Variants in C19orf18 observed in about 807,000 individuals in gnomAD.
C19orf18 encodes the protein chromosome 19 open reading frame 18.
Under a neutral mutation model 23.3 loss-of-function variants are expected in C19orf18, and 21 were observed. That is an observed-to-expected ratio of 0.90 (90% CI 0.64 to 1.30). The LOEUF (loss-of-function observed/expected upper bound fraction) is 1.30. Ranked by LOEUF, C19orf18 falls within the 50% of genes most tolerant of loss-of-function variation. The pLI is 0.00. For synonymous variants in C19orf18, 96 were observed against 95.2 expected (o/e 1.01, Z -0.05); for missense variants, 249 against 259.6 (o/e 0.96, Z 0.28).
At chr19:57,969,114 T>C (rs2072926740) in intron 3 of C19orf18, among the ~76,000 whole-genome samples, 1 of 152,142 alleles carries the variant, frequency 6.6e-6, no homozygotes, top group South Asian at 2.1e-4. Flanking sequence ...AGGTTACTGG[T>C]GTACCCGTGT....
At chr19:57,971,112 T>C (rs184175085) in intron 3 of C19orf18, among the ~76,000 whole-genome samples, 1 of 152,254 alleles carries the variant, frequency 6.6e-6, no homozygotes, top group East Asian at 1.9e-4. Flanking sequence ...ATTGATAATG[T>C]GTTTGGCGTG....
intron 3 of C19orf18, among the ~76,000 whole-genome samples, chr19:57,969,620 A>C (rs943892979): frequency 7.3e-6 from 1 of 137,542 alleles, no homozygotes; most frequent in African/African-American, 2.7e-5. Context: ...CAAAGTAAGC[A>C]CCTTGGCCAG....
At chr19:57,969,804 G>A (rs2072933455) in intron 3 of C19orf18, among the ~76,000 whole-genome samples, 1 of 150,548 alleles carries the variant, frequency 6.6e-6, no homozygotes, top group South Asian at 2.1e-4. Flanking sequence ...TACTCAGGAG[G>A]CTGAGGCAGG....
At chr19:57,967,823 C>T (rs1046516663) in intron 3 of C19orf18, among the ~76,000 whole-genome samples, 6 of 147,620 alleles carry the variant, frequency 4.1e-5, no homozygotes, top group African/African-American at 1.5e-4. Flanking sequence ...GCCTGACCAA[C>T]ACGGCGAAAC....
intron 4 of C19orf18, among the ~76,000 whole-genome samples, chr19:57,961,882 TTTTC>T (rs745822194): frequency 2.1e-4 from 31 of 150,236 alleles, no homozygotes; most frequent in South Asian, 4.2e-4. Context: ...TCTCTTCTCT[TTTTC>T]TTTCTCTTTT....
chr19:57,971,140 C>T (rs1031521694), intron 3 of C19orf18, among the ~76,000 whole-genome samples: 1 of 152,096 alleles, frequency 6.6e-6, no homozygotes, highest in Non-Finnish European at 1.5e-5. Flanking sequence ...GTATTCATCA[C>T]GTTTTTTATT....
chr19:57,973,100 T>TTGCGCCACTGCACTCCAGCTGGGTGA (rs2072956946), intron 2 of C19orf18, among the ~76,000 whole-genome samples: 1 of 123,806 alleles, frequency 8.1e-6, no homozygotes, highest in Non-Finnish European at 1.6e-5. Context: ...TGAGCCGAGA[T>TTGCGCCACTGCACTCCAGCTGGGTGA]TGCGCCACTG....
intron 4 of C19orf18, among the ~76,000 whole-genome samples, chr19:57,966,228 C>T (rs770733809): frequency 1.9e-4 from 29 of 152,190 alleles, no homozygotes; most frequent in Admixed American, 7.2e-4. Flanking sequence ...CCACCCGCCT[C>T]GGCCTTCCAA....
At chr19:57,970,345 T>C (rs565840910) in intron 3 of C19orf18, among the ~76,000 whole-genome samples, 1 of 152,330 alleles carries the variant, frequency 6.6e-6, no homozygotes, top group Non-Finnish European at 1.5e-5. Flanking sequence ...TCGTCTCATA[T>C]GGAAAATGTT....
intron 3 of C19orf18, among the ~76,000 whole-genome samples, chr19:57,966,847 C>T (rs257672): frequency 0.55 from 83,998 of 151,602 alleles, 23,681 homozygotes; most frequent in African/African-American, 0.65. Context: ...CACAGCTCAC[C>T]GCAACTTTCG....
intron 3 of C19orf18, among the ~76,000 whole-genome samples, chr19:57,967,065 C>G (rs1011766380): frequency 6.7e-6 from 1 of 148,986 alleles, no homozygotes; most frequent in African/African-American, 2.5e-5. Flanking sequence ...GCCTGGGCAA[C>G]AGTGTGAAAC....
chr19:57,966,276 G>A (rs921379948), intron 4 of C19orf18, among the ~76,000 whole-genome samples: 28 of 152,002 alleles, frequency 1.8e-4, no homozygotes, highest in East Asian at 7.7e-4. Flanking sequence ...CATGCCCGGC[G>A]TAATATTTTC....
Position 57,974,323 on chromosome 19 carries a change from G to A in C19orf18, c.110C>T (p.Thr37Ile), listed in dbSNP as rs1423778629. The A allele has an allele frequency of 2.5e-6, 4 of 1,614,128 alleles. No individual in the cohort carries two copies. The highest frequency in any genetic ancestry group is 1.7e-5 in the Admixed American group (1 of 60,028). ...ADGLHPTGNI[T>I]GLPGSKRSQP... ...GTGGTTGAAGCTACCTGGTAAGCCT[G>A]TTATGTTTCCAGTGGGATGGAGTCC... The change falls in exon 1 of 6, where the codon ACA becomes ATA. Residue 37 changes from threonine (T) to isoleucine (I), a missense_variant. Coordinates refer to ENST00000314391, the MANE Select transcript of C19orf18 (RefSeq NM_152474.5).
In C19orf18 at chr19:57,958,551, G is replaced by T; in HGVS notation, c.*51C>A. ...CCACGCCCACAGGCTCAGTCTCCCA[G>T]CACCCCCATAGTTTCTCCTCTGCCT... On this transcript the variant is annotated 3_prime_UTR_variant, in exon 6 of 6. Transcript: ENST00000314391. The T allele has an allele frequency of 1.6e-6, 2 of 1,251,246 alleles. No homozygotes were observed. Among genetic ancestry groups the T allele is most frequent in the Non-Finnish European group, 2.3e-6 (2 of 885,588 alleles). The allele number at this position is 1,251,246 out of a possible 1,614,324, so 77.5% of individuals were successfully genotyped here. A position where few individuals can be genotyped will look rare whatever the true frequency, so the allele number is the denominator to read the frequency against.
intron 5 of C19orf18, among the ~76,000 whole-genome samples, chr19:57,960,663 T>TA (rs1406313529): frequency 3.3e-5 from 5 of 152,062 alleles, no homozygotes; most frequent in African/African-American, 1.2e-4. Context: ...AACATCACGG[T>TA]AATGAGTATG....
chr19:57,971,895 T>C (rs2072946975), intron 3 of C19orf18, among the ~76,000 whole-genome samples: 1 of 152,178 alleles, frequency 6.6e-6, no homozygotes, highest in Admixed American at 6.5e-5. Context: ...TTCATGACAG[T>C]CATTTCTGTG....
At position 57,974,479 on chromosome 19, in the gene C19orf18, T is replaced by TTAG; in HGVS notation, c.-50_-48dup. ...TTATCCCGTAGATGAAAGGAAATAC[T>TTAG]TAGCTACAGTCCAGCATCTGTCCTC... On this transcript the variant is annotated 5_prime_UTR_variant, in exon 1 of 6. It removes the in-frame stop codon of an upstream open reading frame in the 5' UTR. Transcript: ENST00000314391. The TTAG allele has an allele frequency of 6.2e-7, 1 of 1,603,474 alleles. No homozygotes were observed. The highest frequency in any genetic ancestry group is 8.5e-7 in the Non-Finnish European group (1 of 1,173,026).
intron 3 of C19orf18, among the ~76,000 whole-genome samples, chr19:57,969,555 A>G (rs2072929783): frequency 1.6e-5 from 2 of 127,594 alleles, no homozygotes; most frequent in Non-Finnish European, 3.2e-5. Flanking sequence ...ACTCTGTCTT[A>G]AAAAAAAACA....
chr19:57,972,591 T>C, intron 2 of C19orf18, 87 bp from the exon 3 acceptor site: 2 of 1,447,710 alleles, frequency 1.4e-6, no homozygotes, highest in South Asian at 1.2e-5. Context: ...AACTTAGCAT[T>C]AGAGAAGGAC....
Sources: gnomAD v4.1 joint callset for allele counts (sites outside exome capture counted in the v4.1 genomes callset) on GRCh38, gnomAD v4.1.1 for gene constraint, MANE v1.5 for transcripts, NCBI Gene and HGNC (gene_info 2026-07-23, HGNC 2026-07-21) for gene names.